BNC2: variants seen among roughly 807,000 people sequenced by gnomAD.
BNC2 encodes the protein basonuclin zinc finger protein 2, also known as zinc finger protein basonuclin-2.
A neutral mutation model predicts 76.3 loss-of-function variants in BNC2; 20 were observed. The ratio of observed to expected loss-of-function variants is 0.26; its 90% CI spans 0.18 to 0.38. The LOEUF is 0.38. BNC2 is among the 10% of genes least tolerant of loss of function. The probability of loss-of-function intolerance (pLI) is 1.00; values close to 1 mark genes in which losing one functional copy is unlikely to be tolerated. For missense variants in BNC2, 1,382 were observed against 1,399.8 expected (o/e 0.99, Z 0.20); for synonymous variants, 582 against 514.8 (o/e 1.13, Z -1.77).
intron 3 of BNC2, among the ~76,000 whole-genome samples, chr9:16,621,683 C>T (rs1820871495): frequency 1.3e-5 from 2 of 152,102 alleles, no homozygotes; most frequent in Non-Finnish European, 1.5e-5. Flanking sequence ...GGTGTCTAGA[C>T]CTAAGCCATC....
intron 1 of BNC2, among the ~76,000 whole-genome samples, chr9:16,813,740 A>G (rs1463396381): frequency 1.3e-5 from 2 of 152,234 alleles, no homozygotes; most frequent in African/African-American, 4.8e-5. Flanking sequence ...GTTGAATTGT[A>G]GAAGAGGAGG....
At chr9:16,731,186 T>C (rs943591906) in intron 2 of BNC2, among the ~76,000 whole-genome samples, 2 of 152,214 alleles carry the variant, frequency 1.3e-5, no homozygotes, top group Non-Finnish European at 2.9e-5. Flanking sequence ...CTGACAATTA[T>C]GGAATAACTC....
intron 3 of BNC2, among the ~76,000 whole-genome samples, chr9:16,681,789 A>G (rs1210687483): frequency 6.6e-6 from 1 of 152,200 alleles, no homozygotes; most frequent in Non-Finnish European, 1.5e-5. Context: ...GAAAATCAAA[A>G]TCAGTCAAGC....
intron 3 of BNC2, among the ~76,000 whole-genome samples, chr9:16,625,304 A>G (rs1351814125): frequency 2.6e-5 from 4 of 152,144 alleles, no homozygotes; most frequent in Non-Finnish European, 5.9e-5. Flanking sequence ...TGGTAATTCA[A>G]TCCCTGCACT....
chr9:16,837,095 G>A (rs1260208008), intron 1 of BNC2, among the ~76,000 whole-genome samples: 1 of 152,170 alleles, frequency 6.6e-6, no homozygotes, highest in Non-Finnish European at 1.5e-5. Context: ...TAAGCATAGA[G>A]AAGTAACAAA....
At chr9:16,713,243 G>A (rs562174756) in intron 3 of BNC2, among the ~76,000 whole-genome samples, 2 of 152,218 alleles carry the variant, frequency 1.3e-5, no homozygotes, top group African/African-American at 2.4e-5. Flanking sequence ...GAATAAAGCT[G>A]CAAAGGGATA....
intron 3 of BNC2, among the ~76,000 whole-genome samples, chr9:16,630,897 G>A (rs1329989879): frequency 1.3e-5 from 2 of 151,786 alleles, no homozygotes; most frequent in Non-Finnish European, 2.9e-5. Context: ...GCGCCACCAC[G>A]CCCAGCTAAT....
At chr9:16,626,012 C>CATT (rs1304386346) in intron 3 of BNC2, 2 of 152,152 alleles carry the variant, frequency 1.3e-5, no homozygotes, top group African/African-American at 4.8e-5. Context: ...ATACCATTAG[C>CATT]ATTACATCAT....
chr9:16,567,602 T>C (rs1443791552), intron 4 of BNC2, among the ~76,000 whole-genome samples: 2 of 152,192 alleles, frequency 1.3e-5, no homozygotes, highest in African/African-American at 4.8e-5. Flanking sequence ...AAGAACATAT[T>C]CAGATACTTT....
chr9:16,649,294 C>A (rs540677766), intron 3 of BNC2, among the ~76,000 whole-genome samples: 83 of 152,254 alleles, frequency 5.5e-4, no homozygotes, highest in Non-Finnish European at 1.1e-3. Flanking sequence ...CTGCAGCTGA[C>A]CAATTCTTTA....
chr9:16,629,130 G>C (rs1189119125), intron 3 of BNC2, among the ~76,000 whole-genome samples: 1 of 152,168 alleles, frequency 6.6e-6, no homozygotes, highest in East Asian at 1.9e-4. Context: ...GAAGTCAAAT[G>C]TAAGGACTAA....
intron 3 of BNC2, among the ~76,000 whole-genome samples, chr9:16,691,504 C>CTTTTTTTTTTTTTTTTTT (rs71327842): frequency 1.8e-5 from 2 of 113,234 alleles, no homozygotes; most frequent in African/African-American, 7.0e-5. Context: ...GGTATGGGTT[C>CTTTTTTTTTTTTTTTTTT]TTTTTTTTTT....
At chr9:16,593,120 G>A (rs1001290365) in intron 3 of BNC2, among the ~76,000 whole-genome samples, 1 of 151,422 alleles carries the variant, frequency 6.6e-6, no homozygotes, top group Non-Finnish European at 1.5e-5. Context: ...GCTGAATTCT[G>A]TCATGTATAC....
intron 3 of BNC2, among the ~76,000 whole-genome samples, chr9:16,716,277 C>G (rs763837341): frequency 4.6e-5 from 7 of 152,132 alleles, no homozygotes; most frequent in Non-Finnish European, 8.8e-5. Context: ...ATTATCACAG[C>G]AAATATTCAT....
chr9:16,643,454 T>C (rs1563877308), intron 3 of BNC2, among the ~76,000 whole-genome samples: 1 of 152,092 alleles, frequency 6.6e-6, no homozygotes, highest in African/African-American at 2.4e-5. Context: ...GGAATCCACA[T>C]TCCTGGTTTT....
intron 3 of BNC2, among the ~76,000 whole-genome samples, chr9:16,703,059 G>C (rs1389492356): frequency 6.6e-6 from 1 of 152,120 alleles, no homozygotes; most frequent in Non-Finnish European, 1.5e-5. Flanking sequence ...TAAATCAGCT[G>C]AAATTTTCTT....
At chr9:16,598,721 A>T (rs191304147) in intron 3 of BNC2, among the ~76,000 whole-genome samples, 2 of 152,270 alleles carry the variant, frequency 1.3e-5, no homozygotes, top group Admixed American at 1.3e-4. Flanking sequence ...CTACCACCAA[A>T]GGCTACTTTT....
intron 1 of BNC2, among the ~76,000 whole-genome samples, chr9:16,844,458 A>G (rs1818913152): frequency 6.7e-6 from 1 of 149,136 alleles, no homozygotes; most frequent in South Asian, 2.1e-4. Context: ...AGGGATGGGG[A>G]GCAAGAGTAG....
chr9:16,767,821 G>C (rs1330301), intron 1 of BNC2, among the ~76,000 whole-genome samples: 138,717 of 152,148 alleles, frequency 0.91, 63,240 homozygotes, highest in East Asian at 0.99. Flanking sequence ...ATCCCCTTTA[G>C]CTCTCTCCTC....
Sources: gnomAD v4.1 joint callset for allele counts (sites outside exome capture counted in the v4.1 genomes callset) on GRCh38, gnomAD v4.1.1 for gene constraint, MANE v1.5 for transcripts, NCBI Gene and HGNC (gene_info 2026-07-23, HGNC 2026-07-21) for gene names.